The following RCC1L variants were observed in gnomAD, a reference collection of about 807,000 sequenced individuals.
RCC1L encodes the protein RCC1-like G exchanging factor-like protein.
RCC1L carries 46 observed loss-of-function variants against 58.6 expected under a neutral mutation model. That is an observed-to-expected ratio of 0.79 (90% CI 0.62 to 1.00). The LOEUF is 1.00. Among genes scored for constraint, RCC1L ranks in the 50% least tolerant of loss-of-function variants. The pLI is 0.00. For missense variants in RCC1L, 636 were observed against 623.6 expected (o/e 1.02, Z -0.21); for synonymous variants, 281 against 262.9 (o/e 1.07, Z -0.67).
intron 4 of RCC1L, 135 bp downstream of exon 4, chr7:75,064,447 A>C (rs1476955386): frequency 9.9e-6 from 9 of 906,756 alleles, no homozygotes; most frequent in Non-Finnish European, 1.6e-5. Context: ...GCACTCCCCC[A>C]GCTTTCTGCT....
downstream of RCC1L, among the ~76,000 whole-genome samples, chr7:75,041,583 G>C (rs1252077127): frequency 6.6e-6 from 1 of 152,086 alleles, no homozygotes; most frequent in African/African-American, 2.4e-5. Context: ...GTATGGCTGG[G>C]TGCGGTGGCT....
intron 10 of RCC1L, among the ~76,000 whole-genome samples, chr7:75,028,388 TG>T (rs1462070607): frequency 5.9e-5 from 9 of 152,276 alleles, no homozygotes; most frequent in African/African-American, 2.2e-4. Context: ...CCCGAAGTGC[TG>T]GGATTACAGG....
intron 10 of RCC1L, among the ~76,000 whole-genome samples, chr7:75,049,497 C>G (rs901778539): frequency 2.0e-5 from 3 of 150,556 alleles, no homozygotes; most frequent in Admixed American, 1.3e-4. Flanking sequence ...AAAAAAAAAA[C>G]GAAAAAAAAA....
chr7:75,040,644 G>C (rs930081132), downstream of RCC1L, among the ~76,000 whole-genome samples: 1 of 152,012 alleles, frequency 6.6e-6, no homozygotes, highest in African/African-American at 2.4e-5. Context: ...AGATCAATAC[G>C]TGAGTTTGAT....
At chr7:75,055,051 T>G (rs1419699739) in intron 9 of RCC1L, among the ~76,000 whole-genome samples, 1 of 152,198 alleles carries the variant, frequency 6.6e-6, no homozygotes, top group Non-Finnish European at 1.5e-5. Flanking sequence ...CACGTGGGAA[T>G]GAGGCCAGAG....
At chr7:75,028,282 G>A (rs1004254075) in intron 10 of RCC1L, among the ~76,000 whole-genome samples, 2 of 151,934 alleles carry the variant, frequency 1.3e-5, no homozygotes, top group African/African-American at 2.4e-5. Context: ...CACCACACGC[G>A]GCTAATTTTT....
At chr7:75,056,656 G>C in intron 8 of RCC1L, 1 of 1,535,396 alleles carries the variant, frequency 6.5e-7, no homozygotes, top group South Asian at 1.2e-5. Flanking sequence ...GCTAAGGGAG[G>C]GGAATGAAGT....
intron 4 of RCC1L, among the ~76,000 whole-genome samples, chr7:75,063,835 G>A (rs929135128): frequency 6.6e-6 from 1 of 151,902 alleles, no homozygotes; most frequent in African/African-American, 2.4e-5. Context: ...CATGAGAATC[G>A]CTTGAACTTG....
rs117410698 is a variant in RCC1L at position 75,070,295 on chromosome 7, G to A, written c.454+345C>T. On this transcript the variant is annotated intron_variant, in intron 2 of 10. Coordinates refer to ENST00000610322, the MANE Select transcript of RCC1L (RefSeq NM_030798.5). ...TCTTGAACACCAAAGGGAGGGCTGG[G>A]CGCTGTGCCTCATGCCTGTAATCAC... is the stretch of plus-strand genomic sequence containing the variant. 8.1e-3 allele frequency among the ~76,000 whole-genome samples: 1,231 copies of A among 152,216 alleles called. 6 individuals are homozygous for A. Among genetic ancestry groups the A allele is most frequent in the Middle Eastern group, 0.014 (4 of 294 alleles).
At chr7:75,066,175 G>C (rs939375043) in intron 3 of RCC1L, among the ~76,000 whole-genome samples, 2 of 152,182 alleles carry the variant, frequency 1.3e-5, no homozygotes, top group Non-Finnish European at 2.9e-5. Context: ...AAGGTGGCCA[G>C]GTGCAGTGGC....
chr7:75,042,193 A>C lies in RCC1L; in HGVS notation c.*839T>G, dbSNP rs1584488165. The C allele has an allele frequency of 1.0e-6, 1 of 985,502 alleles. No individual in the cohort carries two copies. The highest frequency in any genetic ancestry group is 1.7e-5 in the African/African-American group (1 of 57,384). 61.0% of individuals were successfully genotyped at this position (985,502 alleles called of 1,614,324 possible). ...AGATCTCTTCAGAGCTTAAAAACCAAAAGGCAGAAAATAGACTTTATTCCA... is the reference window on the plus strand; with the variant it reads ...AGATCTCTTCAGAGCTTAAAAACCACAAGGCAGAAAATAGACTTTATTCCA... On this transcript the variant is annotated 3_prime_UTR_variant, in exon 11 of 11. Coordinates refer to ENST00000610322, the MANE Select transcript of RCC1L (RefSeq NM_030798.5).
downstream of RCC1L, among the ~76,000 whole-genome samples, chr7:75,038,528 CCT>C (rs1491431315): frequency 3.1e-4 from 46 of 147,546 alleles, no homozygotes; most frequent in South Asian, 3.2e-3. Flanking sequence ...CCGCTTCCCG[CCT>C]TTTTTTTTTT....
At chr7:75,065,092 G>A (rs587634367) in intron 3 of RCC1L, among the ~76,000 whole-genome samples, 26 of 151,960 alleles carry the variant, frequency 1.7e-4, no homozygotes, top group African/African-American at 4.3e-4. Context: ...CTGCCCAGCC[G>A]CTGTGCAACC....
At chr7:75,056,131 C>A in intron 8 of RCC1L, 57 bp from the exon 9 acceptor site, 1 of 1,599,540 alleles carries the variant, frequency 6.3e-7, no homozygotes, top group Admixed American at 1.7e-5. Flanking sequence ...ACCTCCCTCA[C>A]CAGAAACTCA....
At chr7:75,047,257 G>A (rs1198330930) in intron 10 of RCC1L, among the ~76,000 whole-genome samples, 1 of 151,884 alleles carries the variant, frequency 6.6e-6, no homozygotes, top group Non-Finnish European at 1.5e-5. Flanking sequence ...GCGCCCGGCC[G>A]CTTTTGTATT....
chr7:75,051,510 T>C (rs1455738512), intron 10 of RCC1L, among the ~76,000 whole-genome samples: 4 of 151,556 alleles, frequency 2.6e-5, no homozygotes, highest in African/African-American at 9.7e-5. Flanking sequence ...GCCTCCCGGG[T>C]TCAAGTGATT....
intron 9 of RCC1L, among the ~76,000 whole-genome samples, chr7:75,053,969 CAT>C (rs1156476848): frequency 6.6e-6 from 1 of 152,206 alleles, no homozygotes; most frequent in Admixed American, 6.5e-5. Flanking sequence ...GTGGCACAAA[CAT>C]AGCTCACTGC....
At chr7:75,036,038 G>A (rs1324089822) in intron 10 of RCC1L, among the ~76,000 whole-genome samples, 2 of 151,824 alleles carry the variant, frequency 1.3e-5, no homozygotes, top group East Asian at 3.9e-4. Context: ...CTATGGTATA[G>A]TGTTGTACAA....
downstream of RCC1L, among the ~76,000 whole-genome samples, chr7:75,041,863 C>CAAAAA (rs1201913828): frequency 3.4e-4 from 22 of 64,020 alleles, no homozygotes; most frequent in South Asian, 6.2e-4. Flanking sequence ...GACTCTGTCT[C>CAAAAA]AAAAAAAAAA....
Sources: allele counts gnomAD v4.1 joint callset (sites outside exome capture counted in the v4.1 genomes callset), GRCh38; gene constraint gnomAD v4.1.1; transcripts MANE v1.5; gene names NCBI Gene and HGNC (gene_info 2026-07-23, HGNC 2026-07-21).